The following S100A8 variants were observed in gnomAD, a reference collection of about 807,000 sequenced individuals.
S100A8 encodes S100 calcium binding protein A8.
Under a neutral mutation model 4.2 loss-of-function variants are expected in S100A8, and 1 was observed. The observed-to-expected ratio is 0.24, with a 90% CI of 0.08 to 1.12. The LOEUF (loss-of-function observed/expected upper bound fraction) is 1.12, where lower values mean the gene tolerates loss of function less well. Ranked by LOEUF, S100A8 falls within the 50% of genes most tolerant of loss-of-function variation. The pLI is 0.53. For missense variants in S100A8, 96 were observed against 111.8 expected, an observed-to-expected ratio of 0.86 and a Z score of 0.64; for synonymous variants, 41 against 44.7, an observed-to-expected ratio of 0.92 and a Z score of 0.33.
chr1:153,422,416 A>G, the S100A8 span: 119 of 717,660 alleles, frequency 1.7e-4, no homozygotes, highest in Non-Finnish European at 2.0e-4. Context: ...TCTAACACAT[A>G]CTAGAGCAAG....
chr1:153,399,563 G>A, the S100A8 span, among the ~76,000 whole-genome samples: 12 of 152,224 alleles, frequency 7.9e-5, no homozygotes, highest in African/African-American at 2.2e-4. Context: ...TTCATTCAAC[G>A]AATATTCTTG....
At chr1:153,400,549 C>T in the S100A8 span, among the ~76,000 whole-genome samples, 1 of 152,210 alleles carries the variant, frequency 6.6e-6, no homozygotes, top group Non-Finnish European at 1.5e-5. Context: ...TCTCTGAAGG[C>T]TGGAGAGAAA....
the S100A8 span, among the ~76,000 whole-genome samples, chr1:153,405,805 T>G: frequency 5.9e-5 from 9 of 151,988 alleles, no homozygotes; most frequent in Non-Finnish European, 1.2e-4. Flanking sequence ...TGCCTTCCCT[T>G]CAAAACCTAA....
chr1:153,416,148 T>A, the S100A8 span, among the ~76,000 whole-genome samples: 2 of 152,194 alleles, frequency 1.3e-5, no homozygotes, highest in Non-Finnish European at 2.9e-5. Context: ...ACAACAAATG[T>A]GTGGAAGTAC....
chr1:153,404,049 G>A, the S100A8 span, among the ~76,000 whole-genome samples: 1 of 152,150 alleles, frequency 6.6e-6, no homozygotes, highest in Non-Finnish European at 1.5e-5. Flanking sequence ...ACAGGACTCA[G>A]GGAGGCACTT....
At chr1:153,405,982 G>A in the S100A8 span, among the ~76,000 whole-genome samples, 1 of 152,100 alleles carries the variant, frequency 6.6e-6, no homozygotes, top group Non-Finnish European at 1.5e-5. Context: ...GATGCAGCTG[G>A]CCAGCACCAC....
the S100A8 span, among the ~76,000 whole-genome samples, chr1:153,407,485 G>A: frequency 6.6e-6 from 1 of 152,188 alleles, no homozygotes; most frequent in Non-Finnish European, 1.5e-5. Flanking sequence ...CGAACTGGGT[G>A]GAGCCCACCA....
upstream of S100A8, among the ~76,000 whole-genome samples, chr1:153,395,251 G>A (rs1449899601): frequency 6.6e-6 from 1 of 152,042 alleles, no homozygotes; most frequent in Non-Finnish European, 1.5e-5. Context: ...TGTCACCCAG[G>A]TTCTACTCAT....
chr1:153,399,906 T>C, the S100A8 span, among the ~76,000 whole-genome samples: 1 of 152,136 alleles, frequency 6.6e-6, no homozygotes, highest in Non-Finnish European at 1.5e-5. Context: ...CCTCAGGGGA[T>C]GGAGTCCACA....
chr1:153,395,918 G>A (rs910087417), upstream of S100A8, among the ~76,000 whole-genome samples: 1 of 152,244 alleles, frequency 6.6e-6, no homozygotes, highest in African/African-American at 2.4e-5. Flanking sequence ...CTTGTTCACT[G>A]ATTCTTGGGG....
At chr1:153,402,152 G>A in the S100A8 span, among the ~76,000 whole-genome samples, 2 of 152,224 alleles carry the variant, frequency 1.3e-5, no homozygotes, top group Non-Finnish European at 1.5e-5. Context: ...CCAGGAGGCT[G>A]CTGGAGAGTG....
the S100A8 span, among the ~76,000 whole-genome samples, chr1:153,414,552 A>G: frequency 6.6e-6 from 1 of 152,234 alleles, no homozygotes; most frequent in Non-Finnish European, 1.5e-5. Flanking sequence ...AATTAAAACA[A>G]CAATGAGATA....
the S100A8 span, among the ~76,000 whole-genome samples, chr1:153,411,452 T>TACAAACC: frequency 6.6e-6 from 1 of 152,194 alleles, no homozygotes; most frequent in Non-Finnish European, 1.5e-5. Flanking sequence ...CAAGGAGAAC[T>TACAAACC]ACAAACCACT....
At chr1:153,406,400 A>T in the S100A8 span, among the ~76,000 whole-genome samples, 2 of 151,672 alleles carry the variant, frequency 1.3e-5, no homozygotes, top group Admixed American at 6.6e-5. Context: ...CTGCCTGGGG[A>T]CCTGGGGGCT....
the S100A8 span, chr1:153,418,117 G>T: frequency 2.5e-6 from 4 of 1,614,032 alleles, no homozygotes; most frequent in African/African-American, 2.7e-5. Context: ...TCCATAATAG[G>T]CATGATCGAC....
upstream of S100A8, among the ~76,000 whole-genome samples, chr1:153,394,296 C>T (rs575852725): frequency 1.8e-3 from 275 of 152,256 alleles, 1 homozygote; most frequent in African/African-American, 6.0e-3. Context: ...AGGCTGGGTG[C>T]CCCTGCTTCG....
chr1:153,410,714 A>T, the S100A8 span, among the ~76,000 whole-genome samples: 2 of 152,244 alleles, frequency 1.3e-5, no homozygotes, highest in Admixed American at 1.3e-4. Context: ...CCTGATGAAT[A>T]TCAGTGGGAA....
At chr1:153,392,300 C>T (rs764473481), upstream of S100A8, among the ~76,000 whole-genome samples, 2 of 152,120 alleles carry the variant, frequency 1.3e-5, no homozygotes, top group African/African-American at 4.8e-5. Context: ...CTGACACCTA[C>T]AAGGATGACT....
chr1:153,404,023 T>A, the S100A8 span, among the ~76,000 whole-genome samples: 1 of 152,160 alleles, frequency 6.6e-6, no homozygotes, highest in Non-Finnish European at 1.5e-5. Flanking sequence ...GGTTAGATAA[T>A]CTGCTACAAG....
Sources: allele counts gnomAD v4.1 joint callset (sites outside exome capture counted in the v4.1 genomes callset), GRCh38; gene constraint gnomAD v4.1.1; transcripts MANE v1.5; gene names NCBI Gene and HGNC (gene_info 2026-07-23, HGNC 2026-07-21).